The following PDE4D variants were observed in gnomAD, a reference collection of about 807,000 sequenced individuals.
PDE4D encodes the protein 3',5'-cyclic-AMP phosphodiesterase 4D.
Under a neutral mutation model 87.4 loss-of-function variants are expected in PDE4D, and 24 were observed. The ratio of observed to expected loss-of-function variants is 0.27; its 90% confidence interval spans 0.20 to 0.39. The LOEUF (loss-of-function observed/expected upper bound fraction) is 0.39. Among genes scored for constraint, PDE4D ranks in the 10% least tolerant of loss-of-function variants. PDE4D has a pLI of 1.00. For synonymous variants in PDE4D, 384 were observed against 383.2 expected (o/e 1.00, Z -0.02); for missense variants, 714 against 1,041.0 (o/e 0.69, Z 4.32).
intron 1 of PDE4D, among the ~76,000 whole-genome samples, chr5:60,312,845 A>T (rs1755174537): frequency 6.6e-6 from 1 of 152,230 alleles, no homozygotes. Flanking sequence ...CATTGAAATT[A>T]AGGCAGAAAT....
chr5:59,536,504 C>CAAAAAAAAAAAAAAAAAA lies in PDE4D; in HGVS notation c.456-320554_456-320537dup, dbSNP rs10586960. Among the ~76,000 whole-genome samples the CAAAAAAAAAAAAAAAAAA allele has an allele frequency of 3.5e-4, 20 of 56,376 alleles. 1 individual carries two copies. The highest frequency in any genetic ancestry group is 1.5e-3 in the African/African-American group (16 of 10,702). The allele number at this position is 56,376 out of a possible 152,430, so 37.0% of individuals were successfully genotyped here. A position where few individuals can be genotyped will look rare whatever the true frequency, so the allele number is the denominator to read the frequency against. ...TGGGCAACAGAGCAAGACTCAGCCT[C>CAAAAAAAAAAAAAAAAAA]AAAAAAAAAAAAAAAAAAAAAAAAA... is the stretch of plus-strand genomic sequence containing the variant. On this transcript the variant is annotated intron_variant, in intron 1 of 14. Coordinates refer to ENST00000340635, the MANE Select transcript of PDE4D (RefSeq NM_001104631.2).
intron 1 of PDE4D, among the ~76,000 whole-genome samples, chr5:59,368,269 T>C (rs1783397808): frequency 1.3e-5 from 2 of 152,250 alleles, no homozygotes; most frequent in South Asian, 4.1e-4. Context: ...CTTGTGAAAC[T>C]TGCTCTTTTG....
At chr5:60,460,126 T>C (rs1746807377) in intron 1 of PDE4D, 1 of 1,601,624 alleles carries the variant, frequency 6.2e-7, no homozygotes, top group African/African-American at 1.3e-5. Context: ...CTCTGGTTCC[T>C]CATGCTGCCT....
intron 11 of PDE4D, among the ~76,000 whole-genome samples, chr5:58,983,037 G>A (rs969812928): frequency 6.6e-5 from 10 of 152,216 alleles, no homozygotes; most frequent in Admixed American, 2.6e-4. Context: ...TACGGCCCAT[G>A]AACTGGTATA....
intron 2 of PDE4D, among the ~76,000 whole-genome samples, chr5:60,055,898 GAAGAAAAGGCTTAACAAA>G: frequency 6.6e-6 from 1 of 152,112 alleles, no homozygotes; most frequent in East Asian, 1.9e-4. Context: ...TAAAGGGAAG[GAAGAAAAGGCTTAACAAA>G]GAAACCAAAA....
intron 1 of PDE4D, among the ~76,000 whole-genome samples, chr5:59,561,194 C>T (rs376371813): frequency 2.6e-5 from 4 of 152,130 alleles, no homozygotes; most frequent in Non-Finnish European, 5.9e-5. Context: ...AAGGTAGACA[C>T]CTGTGGTTTA....
chr5:59,812,534 G>T (rs546843947), intron 1 of PDE4D, among the ~76,000 whole-genome samples: 1 of 152,048 alleles, frequency 6.6e-6, no homozygotes, highest in Non-Finnish European at 1.5e-5. Context: ...TTAGCCAGGC[G>T]TGGTGGCGCA....
chr5:60,246,780 T>A (rs945499423), intron 1 of PDE4D, among the ~76,000 whole-genome samples: 2 of 151,900 alleles, frequency 1.3e-5, no homozygotes, highest in Non-Finnish European at 2.9e-5. Context: ...TGTGGGGGAT[T>A]TTGTTCTTAT....
At chr5:60,054,302 A>C (rs937403439) in intron 2 of PDE4D, among the ~76,000 whole-genome samples, 3 of 152,222 alleles carry the variant, frequency 2.0e-5, no homozygotes, top group Non-Finnish European at 2.9e-5. Flanking sequence ...CATCAACGAT[A>C]GACTGGATTA....
intron 1 of PDE4D, among the ~76,000 whole-genome samples, chr5:60,500,507 A>C (rs1247517764): frequency 6.6e-6 from 1 of 152,238 alleles, no homozygotes; most frequent in Non-Finnish European, 1.5e-5. Context: ...CTTGGTAAAT[A>C]GATGTTAAGT....
At chr5:59,861,026 A>T (rs925629087) in intron 1 of PDE4D, among the ~76,000 whole-genome samples, 2 of 134,962 alleles carry the variant, frequency 1.5e-5, no homozygotes, top group Admixed American at 1.5e-4. Context: ...CACCTAGATA[A>T]TTTTTTTTTT....
chr5:60,300,017 CA>C (rs1427761070), intron 1 of PDE4D, among the ~76,000 whole-genome samples: 2 of 152,216 alleles, frequency 1.3e-5, no homozygotes, highest in African/African-American at 4.8e-5. Flanking sequence ...CTCCCACCAA[CA>C]GTGTAAAAGC....
At chr5:59,165,928 A>G (rs1470694334) in intron 5 of PDE4D, among the ~76,000 whole-genome samples, 1 of 151,808 alleles carries the variant, frequency 6.6e-6, no homozygotes, top group Non-Finnish European at 1.5e-5. Context: ...TCACTCGACT[A>G]CTCCTGCCAT....
intron 5 of PDE4D, among the ~76,000 whole-genome samples, chr5:59,056,569 G>A (rs572504888): frequency 5.3e-5 from 8 of 152,098 alleles, no homozygotes; most frequent in African/African-American, 1.9e-4. Context: ...GCATGCATTC[G>A]GTATTTGTAC....
At chr5:60,219,741 A>G in intron 1 of PDE4D, among the ~76,000 whole-genome samples, 1 of 152,306 alleles carries the variant, frequency 6.6e-6, no homozygotes, top group Non-Finnish European at 1.5e-5. Flanking sequence ...GACCTTAGAT[A>G]TGGCAAGAAA....
chr5:60,472,675 A>G (rs568632803), intron 1 of PDE4D, among the ~76,000 whole-genome samples: 1 of 152,274 alleles, frequency 6.6e-6, no homozygotes, highest in South Asian at 2.1e-4. Flanking sequence ...AGCCTATTTC[A>G]TTGTCACCTA....
At chr5:60,193,669 C>CAAAAAAAAAAAAAAAAAAAAAAAAAA (rs35340734) in intron 1 of PDE4D, among the ~76,000 whole-genome samples, 3 of 46,886 alleles carry the variant, frequency 6.4e-5, no homozygotes, top group African/African-American at 1.6e-4. Flanking sequence ...GACTCCGTCT[C>CAAAAAAAAAAAAAAAAAAAAAAAAAA]AAAAAAAAAA....
intron 1 of PDE4D, among the ~76,000 whole-genome samples, chr5:59,379,834 T>C (rs1785423681): frequency 6.6e-6 from 1 of 152,112 alleles, no homozygotes; most frequent in Non-Finnish European, 1.5e-5. Context: ...ATTTTAAAAA[T>C]ATCAATGTTT....
At chr5:60,452,811 A>T (rs1194522507) in intron 1 of PDE4D, among the ~76,000 whole-genome samples, 1 of 152,104 alleles carries the variant, frequency 6.6e-6, no homozygotes. Flanking sequence ...AAACAAAATT[A>T]AAAAATTGTT....
Sources: gnomAD v4.1 joint callset for allele counts (sites outside exome capture counted in the v4.1 genomes callset) on GRCh38, gnomAD v4.1.1 for gene constraint, MANE v1.5 for transcripts, NCBI Gene and HGNC (gene_info 2026-07-23, HGNC 2026-07-21) for gene names.